The following EEA1 variants were observed in gnomAD, a reference collection of about 807,000 sequenced individuals.
The protein encoded by EEA1 is early endosome antigen 1, also known as early endosome antigen 1, 162kD.
A neutral mutation model predicts 209.2 loss-of-function variants in EEA1; 111 were observed. The ratio of observed to expected loss-of-function variants is 0.53; its 90% CI spans 0.45 to 0.62. The LOEUF (loss-of-function observed/expected upper bound fraction) is 0.62, where lower values mean the gene tolerates loss of function less well. EEA1 is among the 20% of genes least tolerant of loss of function. The pLI, the probability that EEA1 is intolerant of heterozygous loss-of-function variation, is 0.00. For missense variants in EEA1, 1,343 were observed against 1,530.8 expected (o/e 0.88, Z 2.05); for synonymous variants, 536 against 540.6 (o/e 0.99, Z 0.12).
intron 13 of EEA1, among the ~76,000 whole-genome samples, chr12:92,823,124 T>A (rs913846210): frequency 3.3e-5 from 5 of 152,264 alleles, no homozygotes; most frequent in Non-Finnish European, 5.9e-5. Context: ...TATATTAGTC[T>A]TTTAACTCAT....
chr12:92,841,867 C>G (rs1011982942), intron 10 of EEA1, among the ~76,000 whole-genome samples: 1 of 152,150 alleles, frequency 6.6e-6, no homozygotes, highest in East Asian at 1.9e-4. Flanking sequence ...TCTACCAATT[C>G]CACTTACAGG....
intron 5 of EEA1, among the ~76,000 whole-genome samples, chr12:92,854,744 G>A (rs915798715): frequency 1.3e-5 from 2 of 152,114 alleles, no homozygotes; most frequent in Admixed American, 6.5e-5. Flanking sequence ...CCCATTGTCT[G>A]GGATCTCCAC....
intron 3 of EEA1, among the ~76,000 whole-genome samples, chr12:92,859,769 C>T (rs533153251): frequency 4.6e-5 from 7 of 152,314 alleles, no homozygotes; most frequent in South Asian, 2.1e-4. Context: ...CTTGTAGTTC[C>T]GCTTATAGCC....
intron 9 of EEA1, among the ~76,000 whole-genome samples, chr12:92,845,514 T>C (rs1246270963): frequency 1.3e-5 from 2 of 152,198 alleles, no homozygotes; most frequent in Non-Finnish European, 2.9e-5. Flanking sequence ...AGATTGTATG[T>C]GCCTTGGACT....
chr12:92,889,728 G>A (rs531353279), intron 2 of EEA1, among the ~76,000 whole-genome samples: 22 of 152,076 alleles, frequency 1.4e-4, no homozygotes, highest in African/African-American at 2.9e-4. Flanking sequence ...GCAAAACCCC[G>A]TCTCTACTAA....
At chr12:92,917,285 A>G (rs1485389998) in intron 1 of EEA1, among the ~76,000 whole-genome samples, 2 of 126,994 alleles carry the variant, frequency 1.6e-5, no homozygotes, top group Non-Finnish European at 3.3e-5. Context: ...TCCAAGACAC[A>G]TAATTGTCAG....
chr12:92,929,098 A>G lies in EEA1; in HGVS notation c.-32T>C. 6.3e-7 allele frequency: 1 copy of G among 1,580,910 alleles called. No homozygotes were observed. Among genetic ancestry groups the G allele is most frequent in the South Asian group, 1.1e-5 (1 of 87,240 alleles). On this transcript the variant is annotated 5_prime_UTR_variant, in exon 1 of 29. Coordinates refer to ENST00000322349, the MANE Select transcript of EEA1 (RefSeq NM_003566.4). ...ACCACCACCCGGCGCCGCCGCGGTG[A>G]CTCTCCAGACCCTGCGCGGGGCCAC...
intron 17 of EEA1, among the ~76,000 whole-genome samples, chr12:92,809,522 C>CCA (rs1875387624): frequency 1.1e-5 from 1 of 91,906 alleles, no homozygotes; most frequent in Non-Finnish European, 2.4e-5. Flanking sequence ...CTTATCTCTA[C>CCA]TAAAAAAAAA....
At position 92,891,581 on chromosome 12, in the gene EEA1, C is replaced by A; in HGVS notation, c.117+48G>T. ...CCAATCGTTACACCAAATATTTGCT[C>A]ATTTTCCCTTAATATTGAATTTTAT... On this transcript the variant is annotated intron_variant, in intron 2 of 28. Coordinates refer to ENST00000322349, the MANE Select transcript of EEA1 (RefSeq NM_003566.4). The A allele has an allele frequency of 3.6e-6, 5 of 1,376,426 alleles. No homozygotes were observed. The South Asian group carries it at 5.2e-5, about 14-fold the overall frequency. 85.3% of individuals were successfully genotyped at this position (1,376,426 alleles called of 1,614,324 possible). A position where few individuals can be genotyped will look rare whatever the true frequency, so the allele number is the denominator to read the frequency against.
intron 2 of EEA1, among the ~76,000 whole-genome samples, chr12:92,867,215 C>T (rs1046290391): frequency 6.6e-6 from 1 of 152,176 alleles, no homozygotes; most frequent in African/African-American, 2.4e-5. Context: ...TACTAAAATA[C>T]CTGCGTTTCC....
chr12:92,881,993 C>CAAAAAT (rs1879167797), intron 2 of EEA1, among the ~76,000 whole-genome samples: 1 of 152,044 alleles, frequency 6.6e-6, no homozygotes, highest in Admixed American at 6.5e-5. Context: ...AACATAAAGA[C>CAAAAAT]AAAAATGAAG....
At chr12:92,896,225 G>C (rs896437149) in intron 1 of EEA1, among the ~76,000 whole-genome samples, 1 of 152,076 alleles carries the variant, frequency 6.6e-6, no homozygotes, top group Non-Finnish European at 1.5e-5. Flanking sequence ...ACCCACTTCG[G>C]CCTCCCAAAG....
chr12:92,911,359 G>A (rs1430046113), intron 1 of EEA1, among the ~76,000 whole-genome samples: 7 of 152,156 alleles, frequency 4.6e-5, no homozygotes. Context: ...ATTACTAAGT[G>A]AAATACAAAG....
chr12:92,822,633 C>G (rs975865650), intron 13 of EEA1, among the ~76,000 whole-genome samples: 1 of 152,110 alleles, frequency 6.6e-6, no homozygotes, highest in Non-Finnish European at 1.5e-5. Context: ...TCTTCTTCTA[C>G]CCAGTCATCA....
chr12:92,867,886 G>A (rs1363994082), intron 2 of EEA1, among the ~76,000 whole-genome samples: 1 of 151,926 alleles, frequency 6.6e-6, no homozygotes, highest in Non-Finnish European at 1.5e-5. Context: ...GAGAGACACA[G>A]TCACTGGAAT....
intron 2 of EEA1, among the ~76,000 whole-genome samples, chr12:92,883,558 C>G (rs1051699392): frequency 1.3e-5 from 2 of 152,086 alleles, no homozygotes; most frequent in Middle Eastern, 3.2e-3. Flanking sequence ...ACATTTAAAT[C>G]TTTAATCTAT....
At chr12:92,815,028 T>TA (rs1431880420) in intron 15 of EEA1, among the ~76,000 whole-genome samples, 3 of 152,210 alleles carry the variant, frequency 2.0e-5, no homozygotes, top group Non-Finnish European at 2.9e-5. Context: ...CTCAGAGTCC[T>TA]AATTCTCAAA....
chr12:92,885,649 C>T (rs565298359), intron 2 of EEA1, among the ~76,000 whole-genome samples: 38 of 152,264 alleles, frequency 2.5e-4, no homozygotes, highest in African/African-American at 8.7e-4. Context: ...CCCCAGTTAA[C>T]GGCACCTCTC....
At chr12:92,825,702 C>A (rs1266805018) in intron 13 of EEA1, among the ~76,000 whole-genome samples, 1 of 151,766 alleles carries the variant, frequency 6.6e-6, no homozygotes, top group Non-Finnish European at 1.5e-5. Context: ...GAAGGAAATA[C>A]AAAATATTCT....
Sources: gnomAD v4.1 joint callset for allele counts (sites outside exome capture counted in the v4.1 genomes callset) on GRCh38, gnomAD v4.1.1 for gene constraint, MANE v1.5 for transcripts, NCBI Gene and HGNC (gene_info 2026-07-23, HGNC 2026-07-21) for gene names.